Variants in MRPS6 observed in about 807,000 individuals in gnomAD.
MRPS6 encodes the protein small ribosomal subunit protein bS6m.
MRPS6 carries 6 observed loss-of-function variants against 13.1 expected under a neutral mutation model. The ratio of observed to expected loss-of-function variants is 0.46; its 90% CI spans 0.25 to 0.91. The LOEUF is 0.91. Among genes scored for constraint, MRPS6 ranks in the 40% least tolerant of loss-of-function variants. The pLI, the probability that MRPS6 is intolerant of heterozygous loss-of-function variation, is 0.18. For synonymous variants in MRPS6, 61 were observed against 56.5 expected, an observed-to-expected ratio of 1.08 and a Z score of -0.36; for missense variants, 164 against 155.6, an observed-to-expected ratio of 1.05 and a Z score of -0.29.
chr21:34,096,654 A>T lies in MRPS6; in HGVS notation c.45+22909A>T. On this transcript the variant is annotated intron_variant, in intron 1 of 2. Transcript: ENST00000399312. The surrounding 1 kb of genome is among the most constrained non-coding windows in gnomAD (Gnocchi z 5.9). ...CTTTGTTCTTGGAGCAGTCCGTTTG[A>T]TACTGGCCTTTGCCTACCGTGCCCC... is the stretch of plus-strand genomic sequence containing the variant. 1 of 1,614,108 alleles carries T rather than the reference A, an allele frequency of 6.2e-7. No individual in the cohort carries two copies. Among genetic ancestry groups the T allele is most frequent in the Non-Finnish European group, 8.5e-7 (1 of 1,179,992 alleles).
intron 1 of MRPS6, chr21:34,098,697 C>T (rs1406123182): frequency 1.0e-6 from 1 of 1,000,038 alleles, no homozygotes; most frequent in Admixed American, 6.2e-5. Flanking sequence ...GAGGGTATTA[C>T]AGGACTGTGT....
chr21:34,091,411 T>TTCCAGA (rs1174041404), intron 1 of MRPS6, among the ~76,000 whole-genome samples: 2 of 152,184 alleles, frequency 1.3e-5, no homozygotes, highest in Admixed American at 1.3e-4. Context: ...TTACATATAG[T>TTCCAGA]TCCAGAATAA....
intron 1 of MRPS6, among the ~76,000 whole-genome samples, chr21:34,092,415 C>T (rs542513214): frequency 6.6e-6 from 1 of 152,112 alleles, no homozygotes; most frequent in African/African-American, 2.4e-5. Flanking sequence ...GGGAACTGTC[C>T]GCAGTGGCTT....
At chr21:34,106,320 C>CA (rs2148663383) in intron 1 of MRPS6, 1 of 325,886 alleles carries the variant, frequency 3.1e-6, no homozygotes, top group Non-Finnish European at 4.7e-6. Context: ...TTCTGGGTCT[C>CA]AGAGTTGAAG....
At chr21:34,125,587 GC>G in intron 2 of MRPS6, 107 bp downstream of exon 2, 1 of 1,490,122 alleles carries the variant, frequency 6.7e-7, no homozygotes, top group Non-Finnish European at 9.0e-7. Context: ...GACCCCTGTT[GC>G]GCCTAGGTGT....
chr21:34,079,638 G>C (rs1989416266), intron 1 of MRPS6, among the ~76,000 whole-genome samples: 1 of 115,812 alleles, frequency 8.6e-6, no homozygotes, highest in Admixed American at 9.0e-5. Flanking sequence ...TTTTTTAGTA[G>C]AGATGGGGTT....
intron 1 of MRPS6, among the ~76,000 whole-genome samples, chr21:34,080,700 AC>A (rs1245657126): frequency 1.3e-5 from 2 of 152,008 alleles, no homozygotes; most frequent in Non-Finnish European, 2.9e-5. Flanking sequence ...AATATGTTTT[AC>A]CTCCTTTGCT....
chr21:34,085,541 T>G (rs947172768), intron 1 of MRPS6, among the ~76,000 whole-genome samples: 1 of 152,070 alleles, frequency 6.6e-6, no homozygotes, highest in African/African-American at 2.4e-5. Context: ...AGGAGTACTT[T>G]AAAGCAAACT....
intron 1 of MRPS6, chr21:34,097,012 T>G: frequency 6.2e-7 from 1 of 1,614,174 alleles, no homozygotes; most frequent in Non-Finnish European, 8.5e-7. Flanking sequence ...GATGTTAATC[T>G]GTTGGTAACC....
intron 1 of MRPS6, among the ~76,000 whole-genome samples, chr21:34,109,189 C>T (rs1979601197): frequency 6.6e-6 from 1 of 152,114 alleles, no homozygotes; most frequent in African/African-American, 2.4e-5. Context: ...TCTGAAGGTA[C>T]TGTCGTCTTC....
At chr21:34,125,283 C>G in intron 1 of MRPS6, 58 bp from the exon 2 acceptor site, 1 of 1,590,510 alleles carries the variant, frequency 6.3e-7, no homozygotes, top group Admixed American at 1.8e-5. Context: ...ATCATTCTAG[C>G]TCTTATATTA....
chr21:34,140,053 A>C (rs1980856150), intron 2 of MRPS6, among the ~76,000 whole-genome samples: 1 of 151,824 alleles, frequency 6.6e-6, no homozygotes, highest in East Asian at 1.9e-4. Context: ...GAGGCATATC[A>C]ATTTTACGAA....
chr21:34,083,603 G>A (rs560684206), intron 1 of MRPS6, among the ~76,000 whole-genome samples: 1 of 152,272 alleles, frequency 6.6e-6, no homozygotes, highest in African/African-American at 2.4e-5. Flanking sequence ...TCTTCTGTTG[G>A]TGTACTGCTT....
intron 2 of MRPS6, among the ~76,000 whole-genome samples, chr21:34,129,737 A>G (rs1311186990): frequency 1.3e-5 from 2 of 151,864 alleles, no homozygotes; most frequent in Non-Finnish European, 2.9e-5. Flanking sequence ...TAACATTTCC[A>G]TGTTCTCGTG....
rs1256553319 is a variant in MRPS6 at position 34,142,764 on chromosome 21, G to C, written c.*164G>C. On this transcript the variant is annotated 3_prime_UTR_variant, in exon 3 of 3. Transcript: ENST00000399312. ...CCCTTGATCCCCTTTGCTTGCGAGA[G>C]GTGGGGAACTGCTCACTGACAGCTT... The C allele has an allele frequency of 2.8e-6, 2 of 716,132 alleles. No individual in the cohort carries two copies. Among genetic ancestry groups the C allele is most frequent in the Admixed American group, 3.8e-5 (1 of 26,026 alleles). 44.4% of individuals were successfully genotyped at this position (716,132 alleles called of 1,614,324 possible). A position where few individuals can be genotyped will look rare whatever the true frequency, so the allele number is the denominator to read the frequency against.
intron 1 of MRPS6, among the ~76,000 whole-genome samples, chr21:34,078,125 A>G (rs1051308609): frequency 6.6e-6 from 1 of 152,126 alleles, no homozygotes; most frequent in African/African-American, 2.4e-5. Flanking sequence ...AAACGGAAAC[A>G]TCTAGCTGTC....
intron 2 of MRPS6, among the ~76,000 whole-genome samples, chr21:34,127,176 C>G (rs1365481791): frequency 6.6e-6 from 1 of 152,190 alleles, no homozygotes; most frequent in Non-Finnish European, 1.5e-5. Context: ...GACTCCTCAA[C>G]AAACAGAAGC....
intron 1 of MRPS6, among the ~76,000 whole-genome samples, chr21:34,076,531 T>A (rs1025582613): frequency 1.3e-5 from 2 of 152,230 alleles, no homozygotes; most frequent in African/African-American, 4.8e-5. Flanking sequence ...ATTATGAGTA[T>A]CTACTTTTGT....
At position 34,110,997 on chromosome 21, in the gene MRPS6, A is replaced by G. The variant is rs200426332; in HGVS notation, c.46-14344A>G. Among the ~76,000 whole-genome samples the G allele has an allele frequency of 2.0e-5, 3 of 152,284 alleles. No homozygotes were observed. The East Asian group carries it at 5.8e-4, about 29-fold the overall frequency. On this transcript the variant is annotated intron_variant, in intron 1 of 2. Transcript: ENST00000399312. Reference sequence around the variant, plus strand: ...CAACGAAATGACCCCCAGAAAGCACACATGCAAAAAAACATGGTACTAAAT... The same window carrying G: ...CAACGAAATGACCCCCAGAAAGCACGCATGCAAAAAAACATGGTACTAAAT...
Sources: allele counts gnomAD v4.1 joint callset (sites outside exome capture counted in the v4.1 genomes callset), GRCh38; gene constraint gnomAD v4.1.1; non-coding constraint Gnocchi (gnomAD v3.1); transcripts MANE v1.5; gene names NCBI Gene and HGNC (gene_info 2026-07-23, HGNC 2026-07-21).